The following GPC3 variants were observed in gnomAD, a reference collection of about 807,000 sequenced individuals.
The protein encoded by GPC3 is glypican-3.
GPC3 carries 3 observed loss-of-function variants against 34.4 expected under a neutral mutation model. That is an observed-to-expected ratio of 0.09 (90% CI 0.04 to 0.23). GPC3 has a LOEUF of 0.23. Among genes scored for constraint, GPC3 ranks in the 10% least tolerant of loss-of-function variants. The probability of loss-of-function intolerance (pLI) is 1.00; values close to 1 mark genes in which losing one functional copy is unlikely to be tolerated. For missense variants in GPC3, 351 were observed against 445.6 expected, an observed-to-expected ratio of 0.79 and a Z score of 1.91; for synonymous variants, 177 against 174.0, an observed-to-expected ratio of 1.02 and a Z score of -0.13.
At chrX:133,854,197 G>T (rs1170036412) in intron 2 of GPC3, among the ~76,000 whole-genome samples, 1 of 111,261 alleles carries the variant, frequency 9.0e-6, no homozygotes, top group East Asian at 2.8e-4. Context: ...GGATCCTTTG[G>T]CAAAAAGAAG....
chrX:133,559,495 C>G (rs1257588409), intron 7 of GPC3, among the ~76,000 whole-genome samples: 2 of 111,061 alleles, frequency 1.8e-5, no homozygotes, highest in Non-Finnish European at 3.8e-5. Flanking sequence ...AGTACCAAAA[C>G]CCCCCGTAGG....
rs375274425 is a variant in GPC3, at chrX:133,820,498, T to C, written c.338-66322A>G. Reference sequence around the variant, plus strand: ...ACTTTGAGTGGCAGTAAAATTTGAGTTACCAGATGATTTTGGAACTAGGAG... The same window carrying C: ...ACTTTGAGTGGCAGTAAAATTTGAGCTACCAGATGATTTTGGAACTAGGAG... On this transcript the variant is annotated intron_variant, in intron 2 of 7. Coordinates refer to ENST00000370818, the MANE Select transcript of GPC3 (RefSeq NM_004484.4). 2.7e-5 allele frequency among the ~76,000 whole-genome samples: 3 copies of C among 111,268 alleles called. No individual in the cohort carries two copies. In the South Asian group the frequency reaches 1.2e-3, roughly 43 times the overall value.
intron 7 of GPC3, among the ~76,000 whole-genome samples, chrX:133,569,550 A>G (rs1243505642): frequency 8.9e-6 from 1 of 112,460 alleles, no homozygotes; most frequent in East Asian, 2.8e-4. Flanking sequence ...AAGTAAAGAC[A>G]CAACTTCAAT....
chrX:133,914,021 C>T (rs1009702976), intron 2 of GPC3, among the ~76,000 whole-genome samples: 4 of 110,485 alleles, frequency 3.6e-5, no homozygotes, highest in Admixed American at 9.7e-5. Flanking sequence ...AAATAAATAC[C>T]GCCCCACCCC....
chrX:133,843,882 C>G (rs2124553757), intron 2 of GPC3, among the ~76,000 whole-genome samples: 1 of 112,227 alleles, frequency 8.9e-6, no homozygotes, highest in African/African-American at 3.2e-5. Flanking sequence ...TTTCATTGTA[C>G]TTTTTCCCTG....
intron 3 of GPC3, among the ~76,000 whole-genome samples, chrX:133,734,798 A>G (rs1034636241): frequency 4.5e-5 from 5 of 111,451 alleles, no homozygotes; most frequent in Non-Finnish European, 9.4e-5. Context: ...GCTAGTGGGT[A>G]CAAGATCAGT....
chrX:133,668,240 C>T (rs2070789300), intron 5 of GPC3, among the ~76,000 whole-genome samples: 1 of 111,579 alleles, frequency 9.0e-6, no homozygotes, highest in African/African-American at 3.3e-5. Flanking sequence ...TAACTCCGAC[C>T]TGCCTATTTC....
At chrX:133,819,855 T>C (rs752524990) in intron 2 of GPC3, among the ~76,000 whole-genome samples, 2 of 111,995 alleles carry the variant, frequency 1.8e-5, no homozygotes, top group East Asian at 5.6e-4. Flanking sequence ...GTTCAGTGAG[T>C]TTAAGTAAAC....
rs938664117 is a variant in GPC3, at chrX:133,953,174, T to C, written c.213A>G (p.Thr71=). The change falls in exon 2 of 8, where the codon ACA becomes ACG. Residue 71 remains threonine, a synonymous_variant. Transcript: ENST00000370818. ...DLQVCLPKGP[T]CCSRKMEEKY... ...TTTCTTCCATCTTTCTTGAGCAGCA[T>C]GTTGGGCCCTTAGGGAGACATACTT... is the stretch of plus-strand genomic sequence containing the variant. The C allele has an allele frequency of 2.5e-6, 3 of 1,209,450 alleles. No homozygotes were observed. The highest frequency in any genetic ancestry group is 3.4e-6 in the Non-Finnish European group (3 of 893,780).
intron 2 of GPC3, among the ~76,000 whole-genome samples, chrX:133,770,634 C>T (rs372163486): frequency 1.4e-4 from 16 of 111,961 alleles, no homozygotes; most frequent in African/African-American, 3.9e-4. Context: ...ACCTCAGTGA[C>T]TTGCAGGATC....
chrX:133,849,253 C>T (rs764198627), intron 2 of GPC3, among the ~76,000 whole-genome samples: 1 of 109,077 alleles, frequency 9.2e-6, no homozygotes, highest in African/African-American at 3.3e-5. Context: ...CGCCAACACG[C>T]CCGGCTAATG....
chrX:133,827,016 G>A (rs1022412839), intron 2 of GPC3, among the ~76,000 whole-genome samples: 5 of 112,222 alleles, frequency 4.5e-5, no homozygotes, highest in African/African-American at 1.6e-4. Context: ...TGATGAAAAT[G>A]TTTTGGGAGT....
chrX:133,706,816 G>A (rs1182552155), intron 3 of GPC3, among the ~76,000 whole-genome samples: 2 of 111,330 alleles, frequency 1.8e-5, no homozygotes, highest in Non-Finnish European at 3.8e-5. Flanking sequence ...AGAACTAAGA[G>A]GTGAACTACC....
At chrX:133,799,047 A>T in intron 2 of GPC3, among the ~76,000 whole-genome samples, 1 of 112,088 alleles carries the variant, frequency 8.9e-6, no homozygotes, top group East Asian at 2.8e-4. Flanking sequence ...CATTAAACCA[A>T]GCACTGGGCG....
At chrX:133,869,672 GCA>G (rs2075984912) in intron 2 of GPC3, among the ~76,000 whole-genome samples, 1 of 112,233 alleles carries the variant, frequency 8.9e-6, no homozygotes, top group African/African-American at 3.2e-5. Flanking sequence ...GGGTGGCCGG[GCA>G]TGGTGGCTTA....
chrX:133,574,776 T>C (rs183138908), intron 7 of GPC3, among the ~76,000 whole-genome samples: 4 of 112,415 alleles, frequency 3.6e-5, no homozygotes, highest in African/African-American at 9.7e-5. Context: ...ACACACTCCA[T>C]CTGCATTCTT....
chrX:133,612,472 A>G, intron 6 of GPC3, among the ~76,000 whole-genome samples: 1 of 111,507 alleles, frequency 9.0e-6, no homozygotes, highest in South Asian at 3.8e-4. Flanking sequence ...ACTTCTCACC[A>G]CTCAGTCTAG....
intron 6 of GPC3, among the ~76,000 whole-genome samples, chrX:133,636,910 G>A (rs2070431969): frequency 9.1e-6 from 1 of 110,437 alleles, no homozygotes; most frequent in Non-Finnish European, 1.9e-5. Context: ...CATTATTTGG[G>A]GGTGATTTAA....
intron 2 of GPC3, among the ~76,000 whole-genome samples, chrX:133,909,588 T>C (rs1027035347): frequency 4.5e-5 from 5 of 111,706 alleles, no homozygotes; most frequent in African/African-American, 1.6e-4. Context: ...AATAATTTCA[T>C]ATGAAAAACT....
Sources: gnomAD v4.1 joint callset for allele counts (sites outside exome capture counted in the v4.1 genomes callset) on GRCh38, gnomAD v4.1.1 for gene constraint, MANE v1.5 for transcripts, NCBI Gene and HGNC (gene_info 2026-07-23, HGNC 2026-07-21) for gene names.